The following PGM1 variants were observed in gnomAD, a reference collection of about 807,000 sequenced individuals.
PGM1 encodes the protein phosphoglucomutase 1, also known as phosphoglucomutase-1.
A neutral mutation model predicts 55.6 loss-of-function variants in PGM1; 52 were observed. That is an observed-to-expected ratio of 0.94 (90% CI 0.75 to 1.18). The LOEUF (loss-of-function observed/expected upper bound fraction) is 1.18. Ranked by LOEUF, PGM1 falls within the 50% of genes most tolerant of loss-of-function variation. The pLI is 0.00. For missense variants in PGM1, 724 were observed against 729.3 expected (o/e 0.99, Z 0.08); for synonymous variants, 287 against 271.7 (o/e 1.06, Z -0.55).
At chr1:63,614,756 G>A (rs1648664775) in intron 1 of PGM1, among the ~76,000 whole-genome samples, 1 of 152,126 alleles carries the variant, frequency 6.6e-6, no homozygotes, top group Non-Finnish European at 1.5e-5. Context: ...CATAATCTCT[G>A]TATCCCCCAT....
chr1:63,636,092 A>G (rs1649354021), intron 5 of PGM1, 142 bp from the exon 6 acceptor site: 2 of 833,978 alleles, frequency 2.4e-6, no homozygotes, highest in Admixed American at 2.0e-5. Flanking sequence ...TGAAAATAAA[A>G]CCCAGTGTTA....
rs60618789 is a variant in PGM1 at position 63,604,917 on chromosome 1, CTGTGTGTGTGTGTG to C, written c.246+11213_246+11226del. On this transcript the variant is annotated intron_variant, in intron 1 of 10. Coordinates refer to ENST00000371084, the MANE Select transcript of PGM1 (RefSeq NM_002633.3). ...TATATAGGGAGGGAGTTACATAACTCTGTGTGTGTGTGTGTGTGTGTGTGTGTGTGTGTGTGTGT... is the reference window on the plus strand; with the variant it reads ...TATATAGGGAGGGAGTTACATAACTCTGTGTGTGTGTGTGTGTGTGTGTGT... Among the ~76,000 whole-genome samples, 1,132 of 118,834 alleles carry C rather than the reference CTGTGTGTGTGTGTG, an allele frequency of 9.5e-3. 9 individuals are homozygous for C. The highest frequency in any genetic ancestry group is 0.025 in the Middle Eastern group (6 of 244). The allele number at this position is 118,834 out of a possible 152,430, so 78.0% of individuals were successfully genotyped here.
intron 1 of PGM1, among the ~76,000 whole-genome samples, chr1:63,603,887 G>A (rs1030494819): frequency 6.6e-6 from 1 of 152,176 alleles, no homozygotes; most frequent in African/African-American, 2.4e-5. Context: ...TTTCACTCTT[G>A]TCTTCTTTGT....
At chr1:63,622,318 C>A (rs1168624207) in intron 1 of PGM1, among the ~76,000 whole-genome samples, 1 of 152,050 alleles carries the variant, frequency 6.6e-6, no homozygotes, top group Non-Finnish European at 1.5e-5. Flanking sequence ...AGCCACCATG[C>A]CTGGCTGAGA....
rs550680297 is a variant in PGM1, at chr1:63,651,156, A to G, written c.1281-513A>G. 1.4e-4 allele frequency among the ~76,000 whole-genome samples: 21 copies of G among 152,124 alleles called. No homozygotes were observed. In the East Asian group the frequency reaches 3.9e-3, roughly 28 times the overall value. On this transcript the variant is annotated intron_variant, in intron 8 of 10. Coordinates refer to ENST00000371084, the MANE Select transcript of PGM1 (RefSeq NM_002633.3). ...GTCGGTGAAAACTTGGCCCTGCTTT[A>G]GGAAGCTCCTGTGGAGCTGGAACTC...
At chr1:63,610,257 G>T in intron 1 of PGM1, among the ~76,000 whole-genome samples, 1 of 152,234 alleles carries the variant, frequency 6.6e-6, no homozygotes, top group East Asian at 1.9e-4. Flanking sequence ...AAACTGTAAT[G>T]TTGCTTCAGG....
intron 1 of PGM1, among the ~76,000 whole-genome samples, chr1:63,621,862 C>T (rs3790860): frequency 0.043 from 6,597 of 152,178 alleles, 252 homozygotes; most frequent in East Asian, 0.17. Flanking sequence ...GCTTGTGAGC[C>T]TGTTATTCCT....
chr1:63,659,807 A>G lies in PGM1; in HGVS notation c.*132A>G, dbSNP rs1650070757. ...TGACTTTTTCACTAACCAGTTGACG[A>G]GCAGTGCATTTACAAGGCACTGCCA... On this transcript the variant is annotated 3_prime_UTR_variant, in exon 11 of 11. Coordinates refer to ENST00000371084, the MANE Select transcript of PGM1 (RefSeq NM_002633.3). 2.7e-6 allele frequency: 2 copies of G among 732,136 alleles called. No individual in the cohort carries two copies. The highest frequency in any genetic ancestry group is 4.9e-6 in the Non-Finnish European group (2 of 405,924). 45.4% of individuals were successfully genotyped at this position (732,136 alleles called of 1,614,324 possible).
At chr1:63,599,090 G>T (rs907693035) in intron 1 of PGM1, among the ~76,000 whole-genome samples, 3 of 152,218 alleles carry the variant, frequency 2.0e-5, no homozygotes. Context: ...GTTGGAGTTA[G>T]GTGGAGACAC....
chr1:63,594,127 T>C, intron 1 of PGM1: 1 of 1,002,848 alleles, frequency 1.0e-6, no homozygotes, highest in Non-Finnish European at 1.2e-6. Flanking sequence ...CAGAGTGCTG[T>C]CGCCTTAAGC....
At chr1:63,643,911 A>G (rs1041088975) in intron 7 of PGM1, among the ~76,000 whole-genome samples, 2 of 151,952 alleles carry the variant, frequency 1.3e-5, no homozygotes, top group African/African-American at 2.4e-5. Context: ...CTGTATGTTC[A>G]GGGGGCTGGA....
intron 1 of PGM1, among the ~76,000 whole-genome samples, chr1:63,621,182 T>C (rs1330308417): frequency 6.6e-6 from 1 of 152,150 alleles, no homozygotes. Context: ...TTTTGCATAT[T>C]GACAAACACC....
At position 63,593,819 on chromosome 1, in the gene PGM1, G is replaced by C; in HGVS notation, c.246+85G>C. The stretch of plus-strand genomic sequence containing the variant: ...GCGGCGCCCTCCCTCGCTCGGGGCC[G>C]GCCGCTTCCGCGCGCTGCCGCCTCG... On this transcript the variant is annotated intron_variant, in intron 1 of 10. Transcript: ENST00000371084. The C allele has an allele frequency of 2.2e-6, 3 of 1,336,198 alleles. No homozygotes were observed. The East Asian group carries it at 9.5e-5, about 42-fold the overall frequency. The allele number at this position is 1,336,198 out of a possible 1,614,324, so 82.8% of individuals were successfully genotyped here. A position where few individuals can be genotyped will look rare whatever the true frequency, so the allele number is the denominator to read the frequency against.
Position 63,651,817 on chromosome 1 carries a change from A to G in PGM1, c.1429A>G (p.Ser477Gly), listed in dbSNP as rs369272858. 13 of 1,613,992 alleles carry G rather than the reference A, an allele frequency of 8.1e-6. No homozygotes were observed. Among genetic ancestry groups the G allele is most frequent in the South Asian group, 1.1e-5 (1 of 91,086 alleles). Residue 477 changes from serine to glycine, a missense_variant, in exon 9 of 11, where the codon AGC becomes GGC. Physicochemically the swap from Ser to Gly is moderately conservative, Grantham distance 56 (BLOSUM62 0). This residue lies in a region of PGM1 where 316 missense variants were observed against 313.1 expected (regional missense o/e 1.01). Transcript: ENST00000371084. ...TVEKADNFEY[S>G]DPVDGSISRN... ...GGAGAAGGCCGATAACTTTGAATAC[A>G]GCGACCCAGTGGATGGAAGCATTTC... is the stretch of plus-strand genomic sequence containing the variant.
At chr1:63,655,310 A>T (rs1426882829) in intron 10 of PGM1, among the ~76,000 whole-genome samples, 2 of 151,998 alleles carry the variant, frequency 1.3e-5, no homozygotes, top group Non-Finnish European at 2.9e-5. Context: ...TCAGCCCCTC[A>T]TCTGGTGTTC....
intron 4 of PGM1, 136 bp downstream of exon 4, chr1:63,631,918 A>G: frequency 2.4e-6 from 2 of 850,264 alleles, no homozygotes; most frequent in Non-Finnish European, 3.9e-6. Flanking sequence ...TTGCAACCAG[A>G]GCAATATTCA....
At chr1:63,621,151 G>T (rs1648868681) in intron 1 of PGM1, among the ~76,000 whole-genome samples, 1 of 152,046 alleles carries the variant, frequency 6.6e-6, no homozygotes, top group Non-Finnish European at 1.5e-5. Context: ...CTAGGGCAAG[G>T]ATTATGTTCT....
chr1:63,622,353 A>G (rs1648903197), intron 1 of PGM1, among the ~76,000 whole-genome samples: 1 of 152,192 alleles, frequency 6.6e-6, no homozygotes, highest in African/African-American at 2.4e-5. Context: ...ATTTAAATAG[A>G]TCATTAATAA....
chr1:63,650,975 A>C (rs542360399), intron 8 of PGM1, among the ~76,000 whole-genome samples: 1 of 152,276 alleles, frequency 6.6e-6, no homozygotes, highest in African/African-American at 2.4e-5. Flanking sequence ...CTTAATTCCT[A>C]GGTGATGGGT....
Sources: gnomAD v4.1 joint callset for allele counts (sites outside exome capture counted in the v4.1 genomes callset) on GRCh38, gnomAD v4.1.1 for gene constraint, gnomAD v4.1.1 regional missense constraint, MANE v1.5 for transcripts, NCBI Gene and HGNC (gene_info 2026-07-23, HGNC 2026-07-21) for gene names.